The following PDE8B variants were observed in gnomAD, a reference collection of about 807,000 sequenced individuals.
The protein encoded by PDE8B is phosphodiesterase 8B, also known as high affinity cAMP-specific and IBMX-insensitive 3',5'-cyclic phosphodiesterase 8B.
A neutral mutation model predicts 101.3 loss-of-function variants in PDE8B; 26 were observed. The observed-to-expected ratio is 0.26, with a 90% CI of 0.19 to 0.36. The LOEUF (loss-of-function observed/expected upper bound fraction) is 0.36, where lower values mean the gene tolerates loss of function less well. Ranked by LOEUF, PDE8B falls within the 10% of genes least tolerant of loss-of-function variation. The pLI is 1.00. For missense variants in PDE8B, 810 were observed against 1,163.1 expected, an observed-to-expected ratio of 0.70 and a Z score of 4.42; for synonymous variants, 424 against 429.3, an observed-to-expected ratio of 0.99 and a Z score of 0.15.
chr5:77,198,863 A>G, the PDE8B span, among the ~76,000 whole-genome samples: 6 of 152,250 alleles, frequency 3.9e-5, no homozygotes, highest in East Asian at 3.9e-4. Context: ...TTCTTCTTCT[A>G]CAACTTAAAA....
At chr5:77,360,165 TA>T (rs1300179650) in intron 10 of PDE8B, among the ~76,000 whole-genome samples, 1 of 152,192 alleles carries the variant, frequency 6.6e-6, no homozygotes, top group African/African-American at 2.4e-5. Flanking sequence ...AGCTATTTCT[TA>T]AAAATTAATG....
the PDE8B span, among the ~76,000 whole-genome samples, chr5:77,204,282 G>A: frequency 6.6e-6 from 1 of 151,758 alleles, no homozygotes; most frequent in Non-Finnish European, 1.5e-5. Context: ...GTGGTGGCAT[G>A]CACCTGTATT....
rs775525435 is a variant in PDE8B at position 77,421,917 on chromosome 5, G to A, written c.2347G>A (p.Ala783Thr). Residue 783 changes from alanine (A) to threonine (T), a missense_variant, in exon 20 of 22, where the codon GCC (alanine) becomes ACC (threonine). Coordinates refer to ENST00000264917, the MANE Select transcript of PDE8B (RefSeq NM_003719.5). Reference protein sequence around the residue: ...KRMMIKCADVANPCRPLDLCI... With the variant: ...KRMMIKCADVTNPCRPLDLCI... ...CATGATGATTAAGTGTGCTGACGTG[G>A]CCAACCCATGCCGCCCCTTGGACCT... The A allele has an allele frequency of 6.2e-7, 1 of 1,613,962 alleles. No homozygotes were observed. The highest frequency in any genetic ancestry group is 1.3e-5 in the African/African-American group (1 of 74,926).
chr5:77,282,671 G>A lies in PDE8B; in HGVS notation c.340-29323G>A, dbSNP rs1003905323. Among the ~76,000 whole-genome samples the A allele has an allele frequency of 3.3e-5, 5 of 152,006 alleles. No homozygotes were observed. The East Asian group carries it at 9.7e-4, about 30-fold the overall frequency. On this transcript the variant is annotated intron_variant, in intron 1 of 21. Coordinates refer to ENST00000264917, the MANE Select transcript of PDE8B (RefSeq NM_003719.5). ...ACTCCTGCAGCAGCTGGAGGTGGAGGAAAGATTCTTAGGCCGTGAGTCCTC... is the reference window on the plus strand; with the variant it reads ...ACTCCTGCAGCAGCTGGAGGTGGAGAAAAGATTCTTAGGCCGTGAGTCCTC...
chr5:77,095,044 G>A, the PDE8B span, among the ~76,000 whole-genome samples: 1 of 152,186 alleles, frequency 6.6e-6, no homozygotes, highest in Admixed American at 6.5e-5. Flanking sequence ...CGTCAGCTCT[G>A]TAAGGTAGAT....
chr5:77,331,601 T>C, intron 5 of PDE8B, 142 bp downstream of exon 5: 1 of 760,152 alleles, frequency 1.3e-6, no homozygotes, highest in Non-Finnish European at 2.3e-6. Flanking sequence ...GAAACTGTGT[T>C]CTCATGGGAA....
the PDE8B span, among the ~76,000 whole-genome samples, chr5:77,148,851 T>A: frequency 6.6e-6 from 1 of 152,310 alleles, no homozygotes; most frequent in South Asian, 2.1e-4. Context: ...TTCTTAATGA[T>A]CTTTTGAAGT....
chr5:77,203,384 G>A, the PDE8B span, among the ~76,000 whole-genome samples: 2 of 152,196 alleles, frequency 1.3e-5, no homozygotes, highest in Non-Finnish European at 2.9e-5. Flanking sequence ...ATTCTCTTGT[G>A]TGTATGTCTG....
intron 2 of PDE8B, among the ~76,000 whole-genome samples, chr5:77,323,898 G>A (rs1476771054): frequency 2.0e-5 from 3 of 152,184 alleles, no homozygotes; most frequent in Non-Finnish European, 4.4e-5. Flanking sequence ...GGTGGAGGTT[G>A]CAGTGAGCCG....
chr5:77,426,328 C>T (rs1437652378), intron 21 of PDE8B, 117 bp from the exon 22 acceptor site: 2 of 729,740 alleles, frequency 2.7e-6, no homozygotes, highest in South Asian at 1.5e-5. Flanking sequence ...TCATGCTTCG[C>T]CCAGGGTGTG....
intron 17 of PDE8B, among the ~76,000 whole-genome samples, chr5:77,416,466 G>A (rs1280127818): frequency 6.6e-6 from 1 of 152,184 alleles, no homozygotes; most frequent in Non-Finnish European, 1.5e-5. Flanking sequence ...GTGCCTGCAG[G>A]TGACCGTGGC....
At chr5:77,188,591 T>C in the PDE8B span, among the ~76,000 whole-genome samples, 3 of 152,204 alleles carry the variant, frequency 2.0e-5, no homozygotes, top group Non-Finnish European at 4.4e-5. Flanking sequence ...GCTCACCCAC[T>C]GATCTCTGCA....
intron 5 of PDE8B, 46 bp from the exon 6 acceptor site, chr5:77,337,181 G>C (rs562513868): frequency 1.9e-6 from 2 of 1,040,808 alleles, no homozygotes; most frequent in African/African-American, 3.1e-5. Flanking sequence ...GACTCTCTAA[G>C]AAGTAATTAT....
chr5:77,383,519 A>T (rs1234667303), intron 10 of PDE8B, among the ~76,000 whole-genome samples: 1 of 152,122 alleles, frequency 6.6e-6, no homozygotes, highest in Non-Finnish European at 1.5e-5. Flanking sequence ...TTCATGATTA[A>T]AACATACCAA....
chr5:77,425,722 T>C, intron 20 of PDE8B, 45 bp from the exon 21 acceptor site: 1 of 1,600,248 alleles, frequency 6.2e-7, no homozygotes, highest in Non-Finnish European at 8.6e-7. Flanking sequence ...ACTGTGAAAG[T>C]GTCTCGCATG....
At chr5:77,310,137 G>A (rs1339211131) in intron 1 of PDE8B, among the ~76,000 whole-genome samples, 25 of 150,782 alleles carry the variant, frequency 1.7e-4, no homozygotes, top group Non-Finnish European at 1.5e-5. Flanking sequence ...TTTTAGTAGA[G>A]ATGGGGTTTC....
the PDE8B span, among the ~76,000 whole-genome samples, chr5:77,122,712 T>C: frequency 6.6e-6 from 1 of 152,242 alleles, no homozygotes; most frequent in African/African-American, 2.4e-5. Flanking sequence ...TCGTTCTACC[T>C]GAGCCTGAGC....
At chr5:77,331,693 TG>T (rs1777166499) in intron 5 of PDE8B, among the ~76,000 whole-genome samples, 1 of 152,210 alleles carries the variant, frequency 6.6e-6, no homozygotes, top group Non-Finnish European at 1.5e-5. Flanking sequence ...AGATATACAA[TG>T]ACATAAAAAC....
intron 1 of PDE8B, among the ~76,000 whole-genome samples, chr5:77,299,227 A>ATATGAGAG (rs1364085769): frequency 1.3e-5 from 2 of 150,802 alleles, no homozygotes; most frequent in Non-Finnish European, 1.5e-5. Flanking sequence ...AAGATTGGGA[A>ATATGAGAG]CATGAGAGTT....
Sources: gnomAD v4.1 joint callset for allele counts (sites outside exome capture counted in the v4.1 genomes callset) on GRCh38, gnomAD v4.1.1 for gene constraint, MANE v1.5 for transcripts, NCBI Gene and HGNC (gene_info 2026-07-23, HGNC 2026-07-21) for gene names.